The following WDPCP variants were observed in gnomAD, a reference collection of about 807,000 sequenced individuals.
WDPCP encodes WD repeat containing planar cell polarity effector, also known as WD repeat-containing and planar cell polarity effector protein fritz homolog.
A neutral mutation model predicts 93.1 loss-of-function variants in WDPCP; 71 were observed. That is an observed-to-expected ratio of 0.76 (90% CI 0.63 to 0.93). The LOEUF (loss-of-function observed/expected upper bound fraction) is 0.93, where lower values mean the gene tolerates loss of function less well. Ranked by LOEUF, WDPCP falls within the 40% of genes least tolerant of loss-of-function variation. The pLI is 0.00. For missense variants in WDPCP, 844 were observed against 887.4 expected (o/e 0.95, Z 0.62); for synonymous variants, 315 against 315.0 (o/e 1.00, Z 0.00).
In WDPCP at chr2:63,579,674, G is replaced by A. The variant is rs138824134; in HGVS notation, c.75+8523C>T. Among the ~76,000 whole-genome samples, 267 of 152,098 alleles carry A rather than the reference G, an allele frequency of 1.8e-3. 1 individual carries two copies. Among genetic ancestry groups the A allele is most frequent in the Non-Finnish European group, 9.9e-4 (67 of 67,964 alleles). ...CACTTAAAGAAAAACAAAGCCTTTCGTACTGATGCAATCCACTGAATAAAA... is the reference window on the plus strand; with the variant it reads ...CACTTAAAGAAAAACAAAGCCTTTCATACTGATGCAATCCACTGAATAAAA... On this transcript the variant is annotated intron_variant, in intron 1 of 17. Coordinates refer to ENST00000272321, the MANE Select transcript of WDPCP (RefSeq NM_015910.7).
chr2:63,444,545 T>C (rs1274847620), intron 6 of WDPCP, among the ~76,000 whole-genome samples: 2 of 152,114 alleles, frequency 1.3e-5, no homozygotes, highest in Non-Finnish European at 2.9e-5. Context: ...ATGTAAGATT[T>C]GGTAGGACAA....
intron 10 of WDPCP, among the ~76,000 whole-genome samples, chr2:63,390,205 C>G (rs1391486777): frequency 6.6e-6 from 1 of 152,206 alleles, no homozygotes; most frequent in Admixed American, 6.5e-5. Flanking sequence ...TCTCTCAGAC[C>G]ACAGTGCAAT....
At chr2:63,791,615 C>T (rs1259587666) in intron 2 of WDPCP, among the ~76,000 whole-genome samples, 1 of 152,176 alleles carries the variant, frequency 6.6e-6, no homozygotes, top group African/African-American at 2.4e-5. Flanking sequence ...AGCACCATTA[C>T]ACCCTTGGAC....
At chr2:63,733,784 C>T (rs963015262) in intron 2 of WDPCP, among the ~76,000 whole-genome samples, 2 of 152,068 alleles carry the variant, frequency 1.3e-5, no homozygotes, top group South Asian at 4.2e-4. Context: ...AATATTCACC[C>T]CTTGAAAGTG....
intron 13 of WDPCP, among the ~76,000 whole-genome samples, chr2:63,265,237 A>G (rs1440200370): frequency 6.6e-6 from 1 of 152,160 alleles, no homozygotes; most frequent in African/African-American, 2.4e-5. Flanking sequence ...CAAGAAAACT[A>G]AAAGTTGGTT....
At chr2:63,558,527 CAAAAAAA>C (rs57582852) in intron 1 of WDPCP, among the ~76,000 whole-genome samples, 15 of 143,368 alleles carry the variant, frequency 1.0e-4, no homozygotes, top group African/African-American at 3.0e-4. Context: ...GACTCTGTCT[CAAAAAAA>C]AAAAAAAAAA....
intron 2 of WDPCP, among the ~76,000 whole-genome samples, chr2:63,811,281 A>C (rs1350564242): frequency 1.3e-5 from 2 of 152,194 alleles, no homozygotes; most frequent in Non-Finnish European, 1.5e-5. Flanking sequence ...TAACTAATAA[A>C]ATACGGCAAA....
At chr2:63,171,479 G>A (rs1233081255) in intron 15 of WDPCP, among the ~76,000 whole-genome samples, 2 of 152,134 alleles carry the variant, frequency 1.3e-5, no homozygotes, top group Non-Finnish European at 2.9e-5. Context: ...GCTACAATTA[G>A]ATACCATTCT....
At chr2:63,625,834 C>T (rs1709804843) in intron 3 of WDPCP, among the ~76,000 whole-genome samples, 1 of 152,128 alleles carries the variant, frequency 6.6e-6, no homozygotes, top group Non-Finnish European at 1.5e-5. Flanking sequence ...TTAGAAAAAA[C>T]TACTTTAAAT....
chr2:63,498,900 C>T (rs1483910083), intron 1 of WDPCP, among the ~76,000 whole-genome samples: 1 of 152,114 alleles, frequency 6.6e-6, no homozygotes, highest in Non-Finnish European at 1.5e-5. Flanking sequence ...CTGCAAAGAA[C>T]CTAAGGTAAA....
At chr2:63,418,110 TAAG>T (rs1241276746) in intron 9 of WDPCP, among the ~76,000 whole-genome samples, 1 of 152,072 alleles carries the variant, frequency 6.6e-6, no homozygotes, top group East Asian at 1.9e-4. Context: ...TCCTTGCAAA[TAAG>T]AAGGTGAAAA....
intron 14 of WDPCP, among the ~76,000 whole-genome samples, chr2:63,200,069 T>G (rs1675783185): frequency 6.6e-6 from 1 of 152,220 alleles, no homozygotes; most frequent in Non-Finnish European, 1.5e-5. Context: ...GCATGGGGCC[T>G]GTAGTCCCTT....
chr2:63,262,539 C>CAAAAAAA (rs5831658), intron 13 of WDPCP, among the ~76,000 whole-genome samples: 2 of 130,078 alleles, frequency 1.5e-5, no homozygotes, highest in African/African-American at 2.8e-5. Flanking sequence ...CCATATAAGC[C>CAAAAAAA]AAAAAAAAAA....
At chr2:63,333,866 G>C (rs1299461322) in intron 12 of WDPCP, among the ~76,000 whole-genome samples, 3 of 152,154 alleles carry the variant, frequency 2.0e-5, no homozygotes, top group South Asian at 2.1e-4. Context: ...TACAGAGTTT[G>C]ACTCTTTTCA....
chr2:63,392,301 A>G (rs1432315573), intron 10 of WDPCP, among the ~76,000 whole-genome samples: 7 of 152,240 alleles, frequency 4.6e-5, no homozygotes, highest in African/African-American at 1.7e-4. Flanking sequence ...TTCCCTATTT[A>G]ATAAATGGTG....
chr2:63,210,166 A>C (rs1316883863), intron 14 of WDPCP, among the ~76,000 whole-genome samples: 1 of 151,962 alleles, frequency 6.6e-6, no homozygotes, highest in Non-Finnish European at 1.5e-5. Flanking sequence ...CAGAATATAC[A>C]TATGTAATTG....
At chr2:63,349,325 G>C (rs968691082) in intron 12 of WDPCP, among the ~76,000 whole-genome samples, 3 of 151,802 alleles carry the variant, frequency 2.0e-5, no homozygotes, top group Non-Finnish European at 2.9e-5. Flanking sequence ...TAAATGTATA[G>C]AAGTACAATT....
intron 2 of WDPCP, among the ~76,000 whole-genome samples, chr2:63,748,844 C>A (rs1250203269): frequency 6.6e-6 from 1 of 151,920 alleles, no homozygotes. Context: ...TCTTTGAAGT[C>A]TTTGAAGACT....
chr2:63,487,513 A>G lies in WDPCP; in HGVS notation c.161-19T>C. ...TCTCTATCTATAGAAAGGAAGAAAT[A>G]ACATTAAATTATGATTTAAAAGTCC... On this transcript the variant is annotated intron_variant, in intron 2 of 17. Transcript: ENST00000272321. The G allele has an allele frequency of 6.4e-7, 1 of 1,551,778 alleles. No homozygotes were observed. The highest frequency in any genetic ancestry group is 8.9e-7 in the Non-Finnish European group (1 of 1,125,484).
Sources: allele counts gnomAD v4.1 joint callset (sites outside exome capture counted in the v4.1 genomes callset), GRCh38; gene constraint gnomAD v4.1.1; transcripts MANE v1.5; gene names NCBI Gene and HGNC (gene_info 2026-07-23, HGNC 2026-07-21).